Variants in TCTN2 observed in about 807,000 individuals in gnomAD.
TCTN2 encodes the protein tectonic-2.
A neutral mutation model predicts 83.4 loss-of-function variants in TCTN2; 66 were observed. The observed-to-expected ratio is 0.79, with a 90% CI of 0.65 to 0.97. The LOEUF (loss-of-function observed/expected upper bound fraction) is 0.97, where lower values mean the gene tolerates loss of function less well. Among genes scored for constraint, TCTN2 ranks in the 50% least tolerant of loss-of-function variants. The pLI is 0.00. For missense variants in TCTN2, 794 were observed against 858.1 expected, an observed-to-expected ratio of 0.93 and a Z score of 0.93; for synonymous variants, 301 against 326.7, an observed-to-expected ratio of 0.92 and a Z score of 0.85.
At chr12:123,673,484 C>A (rs1010909649) in intron 3 of TCTN2, 131 bp from the exon 4 acceptor site, 1 of 854,382 alleles carries the variant, frequency 1.2e-6, no homozygotes, top group African/African-American at 1.7e-5. Context: ...ATAACTGTGT[C>A]ATCTCTGTAT....
At chr12:123,707,502 T>C (rs1403211576) in intron 17 of TCTN2, 102 bp from the exon 18 acceptor site, 1 of 1,127,362 alleles carries the variant, frequency 8.9e-7, no homozygotes, top group African/African-American at 1.5e-5. Context: ...CCTCCCAAAG[T>C]GTTAGGATTA....
intron 13 of TCTN2, among the ~76,000 whole-genome samples, chr12:123,697,910 G>A (rs1379797013): frequency 2.0e-5 from 3 of 149,946 alleles, no homozygotes; most frequent in African/African-American, 7.4e-5. Context: ...TCCCAGGCTC[G>A]GGTGCAGTGG....
chr12:123,685,972 C>G (rs969449142), intron 5 of TCTN2, among the ~76,000 whole-genome samples: 2 of 151,418 alleles, frequency 1.3e-5, no homozygotes, highest in Admixed American at 1.3e-4. Context: ...CTCAAACATT[C>G]ATTCCACCTC....
At chr12:123,679,403 C>T in intron 5 of TCTN2, 114 bp downstream of exon 5, 1 of 989,124 alleles carries the variant, frequency 1.0e-6, no homozygotes, top group South Asian at 1.3e-5. Context: ...GCTCTGTCAC[C>T]CAGGCTGGAG....
At chr12:123,678,424 T>A (rs1353626084) in intron 4 of TCTN2, among the ~76,000 whole-genome samples, 1 of 152,238 alleles carries the variant, frequency 6.6e-6, no homozygotes, top group Non-Finnish European at 1.5e-5. Context: ...TAAGTTAATT[T>A]TATCTGTTTC....
At chr12:123,689,837 T>C (rs940106937) in intron 7 of TCTN2, among the ~76,000 whole-genome samples, 6 of 152,238 alleles carry the variant, frequency 3.9e-5, no homozygotes, top group Non-Finnish European at 8.8e-5. Flanking sequence ...TCTTGCTCTG[T>C]CGCCCAGGCT....
chr12:123,688,160 T>C lies in TCTN2; in HGVS notation c.874T>C (p.Tyr292His), dbSNP rs1431416220. 1 of 1,613,480 alleles carries C rather than the reference T, an allele frequency of 6.2e-7. No homozygotes were observed. Among genetic ancestry groups the C allele is most frequent in the South Asian group, 1.1e-5 (1 of 91,070 alleles). ...GDPIMTVKKA[Y>H]FTIPQVSLAG... ...TCCCATTATGACTGTAAAGAAGGCA[T>C]ATTTTACTATTCCGCAGGTAATCGT... Residue 292 changes from tyrosine (Y) to histidine (H), a missense_variant, in exon 7 of 18, where the codon TAT (tyrosine) becomes CAT (histidine). By Grantham distance (83) the Tyr-to-His change is moderately conservative. Coordinates refer to ENST00000303372, the MANE Select transcript of TCTN2 (RefSeq NM_024809.5).
chr12:123,677,775 C>T (rs1363773737), intron 4 of TCTN2, among the ~76,000 whole-genome samples: 1 of 152,090 alleles, frequency 6.6e-6, no homozygotes, highest in East Asian at 1.9e-4. Context: ...TCCAGTAGCC[C>T]CTCTTACCTG....
intron 14 of TCTN2, among the ~76,000 whole-genome samples, chr12:123,701,341 T>C (rs1017798790): frequency 1.3e-5 from 2 of 152,206 alleles, no homozygotes; most frequent in Non-Finnish European, 2.9e-5. Flanking sequence ...AGTCACAGCT[T>C]TGTGACTATA....
chr12:123,707,114 A>T (rs1441458447), intron 17 of TCTN2, 41 bp downstream of exon 17: 1 of 1,559,330 alleles, frequency 6.4e-7, no homozygotes, highest in South Asian at 1.1e-5. Flanking sequence ...ATGTTATGTC[A>T]ATTTAAAAAA....
chr12:123,671,237 A>AG lies in TCTN2; in HGVS notation c.-2dup, dbSNP rs1398426094. 1 of 1,612,446 alleles carries AG rather than the reference A, an allele frequency of 6.2e-7. No homozygotes were observed. ...TGCTGTGCCCGGCCCGCGAGGTCTA[A>AG]GGCATGGGCTTCCAGCCTCCGGCCG... On this transcript the variant is annotated 5_prime_UTR_variant, in exon 1 of 18. Transcript: ENST00000303372.
chr12:123,681,484 T>G (rs1293540166), intron 5 of TCTN2, among the ~76,000 whole-genome samples: 3 of 152,202 alleles, frequency 2.0e-5, no homozygotes, highest in Non-Finnish European at 4.4e-5. Context: ...GTATATGGAA[T>G]CATGCAATAT....
At chr12:123,695,554 T>C in intron 11 of TCTN2, 1 of 360,830 alleles carries the variant, frequency 2.8e-6, no homozygotes, top group Non-Finnish European at 5.1e-6. Context: ...CCTGAGTAGC[T>C]GGGATTACAG....
chr12:123,691,934 C>T lies in TCTN2; in HGVS notation c.1034-724C>T, dbSNP rs916826173. 8.0e-5 allele frequency among the ~76,000 whole-genome samples: 12 copies of T among 150,390 alleles called. 1 individual carries two copies. The highest frequency in any genetic ancestry group is 2.9e-4 in the African/African-American group (12 of 40,824). On this transcript the variant is annotated intron_variant, in intron 8 of 17. Transcript: ENST00000303372. ...TTTGAGACCAAGTCTTGCTCTTGTC[C>T]GCCAGGCTGGAGTGCGATGGCGCGA...
Position 123,686,886 on chromosome 12 carries a change from C to A in TCTN2, c.615C>A (p.Gly205=), listed in dbSNP as rs147485641. ...TGTTCAGACGGTCCTGCTTCACCGG[C>A]GTGTTTGGAGGAGACGTCAATCCTC... is the stretch of plus-strand genomic sequence containing the variant. ...TTLFRRSCFT[G]VFGGDVNPPF... is the part of the protein sequence containing the mutation. The change falls in exon 6 of 18, where the codon GGC becomes GGA. Residue 205 remains glycine, a synonymous_variant. Coordinates refer to ENST00000303372, the MANE Select transcript of TCTN2 (RefSeq NM_024809.5). The A allele has an allele frequency of 1.5e-5, 24 of 1,614,184 alleles. 2 individuals carry two copies. In the Middle Eastern group the frequency reaches 1.8e-3, roughly 122 times the overall value.
chr12:123,688,798 C>G (rs1411346833), intron 7 of TCTN2, among the ~76,000 whole-genome samples: 3 of 151,906 alleles, frequency 2.0e-5, no homozygotes, highest in Non-Finnish European at 2.9e-5. Context: ...TGTTTTTGCC[C>G]AGGCTGGAGT....
At position 123,704,599 on chromosome 12, in the gene TCTN2, T is replaced by A. The variant is rs762627012; in HGVS notation, c.1680T>A (p.Ile560=). The change falls in exon 15 of 18, where the codon ATT becomes ATA. Residue 560 remains isoleucine (I), a synonymous_variant. Coordinates refer to ENST00000303372, the MANE Select transcript of TCTN2 (RefSeq NM_024809.5). ...ASSVNGMCLD[I]PAHLSIRILI... is the part of the protein sequence containing the mutation. Reference sequence around the variant, plus strand: ...GTGTGAACGGCATGTGCCTGGATATTCCTGCTCACCTGAGCATCCGCATCC... The same window carrying A: ...GTGTGAACGGCATGTGCCTGGATATACCTGCTCACCTGAGCATCCGCATCC... 1 of 1,613,666 alleles carries A rather than the reference T, an allele frequency of 6.2e-7. No individual in the cohort carries two copies.
At chr12:123,672,392 G>A (rs1224447706) in intron 3 of TCTN2, among the ~76,000 whole-genome samples, 1 of 152,122 alleles carries the variant, frequency 6.6e-6, no homozygotes, top group Admixed American at 6.6e-5. Context: ...GCATTTTTCT[G>A]ATGAGAGGGT....
chr12:123,705,014 G>A (rs1023916034), intron 15 of TCTN2, among the ~76,000 whole-genome samples: 1 of 152,076 alleles, frequency 6.6e-6, no homozygotes, highest in Non-Finnish European at 1.5e-5. Context: ...ATTGTCTGTG[G>A]TTAGAGACTT....
Sources: allele counts gnomAD v4.1 joint callset (sites outside exome capture counted in the v4.1 genomes callset), GRCh38; gene constraint gnomAD v4.1.1; transcripts MANE v1.5; gene names NCBI Gene and HGNC (gene_info 2026-07-23, HGNC 2026-07-21).